ZWINT: variants seen among roughly 807,000 people sequenced by gnomAD.
The protein encoded by ZWINT is ZW10 interacting kinetochore protein.
Under a neutral mutation model 41.5 loss-of-function variants are expected in ZWINT, and 41 were observed. The observed-to-expected ratio is 0.99, with a 90% CI of 0.77 to 1.28. The LOEUF (loss-of-function observed/expected upper bound fraction) is 1.28. ZWINT is among the 50% of genes most tolerant of loss of function. ZWINT has a pLI of 0.00. For synonymous variants in ZWINT, 132 were observed against 126.8 expected (o/e 1.04, Z -0.28); for missense variants, 369 against 329.7 (o/e 1.12, Z -0.92).
At chr10:56,361,069 G>T (rs1177873496) in intron 1 of ZWINT, 127 bp downstream of exon 1, 8 of 1,021,946 alleles carry the variant, frequency 7.8e-6, no homozygotes, top group Non-Finnish European at 1.1e-5. Flanking sequence ...ACTGCGGTGA[G>T]GATCACTTCA....
chr10:56,360,938 G>T (rs1374356561), intron 1 of ZWINT, among the ~76,000 whole-genome samples: 1 of 152,124 alleles, frequency 6.6e-6, no homozygotes, highest in African/African-American at 2.4e-5. Context: ...CAAGAAGACA[G>T]AAGTGAAACC....
Position 56,359,861 on chromosome 10 carries a change from G to A in ZWINT, c.257-8C>T, listed in dbSNP as rs1249418055. On this transcript the variant is annotated splice_polypyrimidine_tract_variant and splice_region_variant and intron_variant, in intron 3 of 8. Coordinates refer to ENST00000373944, the MANE Select transcript of ZWINT (RefSeq NM_007057.4). Reference sequence around the variant, plus strand: ...CTGCAATTGCCTTCTGTCCTGAGATGAGCCACCAGGAATGAGTACATGAGT... The same window carrying A: ...CTGCAATTGCCTTCTGTCCTGAGATAAGCCACCAGGAATGAGTACATGAGT... 1.9e-6 allele frequency: 3 copies of A among 1,613,780 alleles called. No homozygotes were observed. Among genetic ancestry groups the A allele is most frequent in the Admixed American group, 1.7e-5 (1 of 59,996 alleles).
rs1416460568 is a variant in ZWINT at position 56,359,686 on chromosome 10, C to A, written c.423+1G>T. 5.0e-6 allele frequency: 8 copies of A among 1,614,054 alleles called. No individual in the cohort carries two copies. Among genetic ancestry groups the A allele is most frequent in the African/African-American group, 1.3e-5 (1 of 74,924 alleles). ...CCTGTACTCAAGACCCCTGGGTGTACCTTGGCCTGGAGCTGCTCAAAGGCT... is the reference window on the plus strand; with the variant it reads ...CCTGTACTCAAGACCCCTGGGTGTAACTTGGCCTGGAGCTGCTCAAAGGCT... On this transcript the variant is annotated splice_donor_variant, in intron 4 of 8. Coordinates refer to ENST00000373944, the MANE Select transcript of ZWINT (RefSeq NM_007057.4). LOFTEE classifies it high-confidence loss of function.
At position 56,359,740 on chromosome 10, in the gene ZWINT, C is replaced by A; in HGVS notation, c.370G>T (p.Ala124Ser). ...CGGAGTTGTGTCCGTTTCCTCTGGGCTTCCTCCATCTGAGTCAGGGCCTTG... is the reference window on the plus strand; with the variant it reads ...CGGAGTTGTGTCCGTTTCCTCTGGGATTCCTCCATCTGAGTCAGGGCCTTG... ...LTKALTQMEE[A>S]QRKRTQLREA... is the part of the protein sequence containing the mutation. The change falls in exon 4 of 9, where the codon GCC becomes TCC. Residue 124 changes from alanine (A) to serine (S), a missense_variant. Ala to Ser is a moderately conservative substitution (Grantham distance 99). Coordinates refer to ENST00000373944, the MANE Select transcript of ZWINT (RefSeq NM_007057.4). 1 of 1,614,180 alleles carries A rather than the reference C, an allele frequency of 6.2e-7. No individual in the cohort carries two copies. Among genetic ancestry groups the A allele is most frequent in the Non-Finnish European group, 8.5e-7 (1 of 1,180,036 alleles).
rs1838289808 is a variant in ZWINT at position 56,360,132 on chromosome 10, T to C, written c.142A>G (p.Lys48Glu). ...TGGCTGCAGAGCAGCTTGTCTTTCT[T>C]CTGAGAGTCCTGCTCAGAGGGAGGG... ...ILVEFVVDSQKKDKLLCSQLQ... is the reference protein window; with the variant it reads ...ILVEFVVDSQEKDKLLCSQLQ... Residue 48 changes from lysine to glutamate, a missense_variant, in exon 3 of 9, where the codon AAG becomes GAG. Coordinates refer to ENST00000373944, the MANE Select transcript of ZWINT (RefSeq NM_007057.4). 2 of 1,613,946 alleles carry C rather than the reference T, an allele frequency of 1.2e-6. No individual in the cohort carries two copies. Among genetic ancestry groups the C allele is most frequent in the African/African-American group, 2.7e-5 (2 of 74,940 alleles).
At chr10:56,360,437 C>T in intron 1 of ZWINT, 54 bp from the exon 2 acceptor site, 2 of 1,471,880 alleles carry the variant, frequency 1.4e-6, no homozygotes, top group Non-Finnish European at 1.9e-6. Context: ...GCTAGTTCTA[C>T]AGTTCGTGTG....
chr10:56,358,929 G>A lies in ZWINT; in HGVS notation c.499C>T (p.Leu167=). The A allele has an allele frequency of 6.2e-7, 1 of 1,614,110 alleles. No individual in the cohort carries two copies. ...QLQQEKHLQH[L]AEVSAEVRER... is the part of the protein sequence containing the mutation. ...CTCACCTCTGCAGAAACCTCCGCCA[G>A]ATGCTGCAGATGCTTCTCCTGCCAG... is the stretch of plus-strand genomic sequence containing the variant. The change falls in exon 6 of 9, where the codon CTG becomes TTG. Residue 167 remains leucine, a synonymous_variant. Transcript: ENST00000373944.
intron 5 of ZWINT, 77 bp from the exon 6 acceptor site, chr10:56,359,024 C>G (rs1838250756): frequency 6.5e-7 from 1 of 1,546,936 alleles, no homozygotes; most frequent in African/African-American, 1.4e-5. Context: ...CTCCAGCCTA[C>G]ACCCAGCTCA....
intron 5 of ZWINT, 102 bp downstream of exon 5, chr10:56,359,374 G>T: frequency 9.3e-7 from 1 of 1,070,654 alleles, no homozygotes; most frequent in Non-Finnish European, 1.3e-6. Context: ...TTATATTATA[G>T]TGCCTCAAAG....
rs1589335952 is a variant in ZWINT, at chr10:56,357,980, C to T, written c.*247G>A. On this transcript the variant is annotated 3_prime_UTR_variant, in exon 9 of 9. Transcript: ENST00000373944. ...CCTGTGTTCAAACCAGTCCCAGCTC[C>T]TGTCATGTTATTGGCTTCTGAGTAT... 2.1e-6 allele frequency: 1 copy of T among 469,952 alleles called. No homozygotes were observed. Among genetic ancestry groups the T allele is most frequent in the East Asian group, 6.4e-5 (1 of 15,564 alleles). The allele number at this position is 469,952 out of a possible 1,614,324, so 29.1% of individuals were successfully genotyped here.
intron 2 of ZWINT, 38 bp from the exon 3 acceptor site, chr10:56,360,179 C>T (rs1042606339): frequency 2.5e-6 from 4 of 1,612,892 alleles, no homozygotes; most frequent in African/African-American, 1.3e-5. Flanking sequence ...AACATCCTTA[C>T]CTCCTTACAG....
chr10:56,360,217 G>C, intron 2 of ZWINT, 76 bp from the exon 3 acceptor site: 1 of 1,610,836 alleles, frequency 6.2e-7, no homozygotes, highest in Non-Finnish European at 8.5e-7. Flanking sequence ...CTCTGCCAGT[G>C]CTGCCCTGTA....
intron 1 of ZWINT, among the ~76,000 whole-genome samples, chr10:56,360,673 G>T (rs1007522055): frequency 6.6e-6 from 1 of 152,188 alleles, no homozygotes; most frequent in African/African-American, 2.4e-5. Context: ...TCTCACTGAA[G>T]AGAAATCATT....
At position 56,358,012 on chromosome 10, in the gene ZWINT, T is replaced by C; in HGVS notation, c.*215A>G. On this transcript the variant is annotated 3_prime_UTR_variant, in exon 9 of 9. Transcript: ENST00000373944. ...GTTATTGGCTTCTGAGTATCTGTAT[T>C]AATAGTTGTTCCTGCCAGCATATGA... The C allele has an allele frequency of 1.9e-6, 1 of 525,918 alleles. No individual in the cohort carries two copies. The highest frequency in any genetic ancestry group is 3.9e-6 in the Non-Finnish European group (1 of 258,450). The allele number at this position is 525,918 out of a possible 1,614,324, so 32.6% of individuals were successfully genotyped here.
chr10:56,358,429 T>A lies in ZWINT; in HGVS notation c.823A>T (p.Asn275Tyr), dbSNP rs748302609. The A allele has an allele frequency of 1.2e-6, 2 of 1,613,914 alleles. No individual in the cohort carries two copies. The highest frequency in any genetic ancestry group is 2.7e-5 in the African/African-American group (2 of 74,864). Residue 275 changes from asparagine (N) to tyrosine (Y), a missense_variant, in exon 8 of 9, where the codon AAT (asparagine) becomes TAT (tyrosine). Physicochemically the swap from Asn to Tyr is moderately radical, Grantham distance 143 (BLOSUM62 -2). Coordinates refer to ENST00000373944, the MANE Select transcript of ZWINT (RefSeq NM_007057.4). ...AVGLQPAGDV[N>Y]LP ...TGTCCTCCAGGAAGTCATGGCAAAT[T>A]TACATCTCCAGCAGGTTGTAGACCA... is the stretch of plus-strand genomic sequence containing the variant.
chr10:56,359,058 G>A, intron 5 of ZWINT, 111 bp from the exon 6 acceptor site: 1 of 1,336,570 alleles, frequency 7.5e-7, no homozygotes, highest in Non-Finnish European at 1.0e-6. Flanking sequence ...ATGATGAAAA[G>A]AGGGACTCTA....
Position 56,360,039 on chromosome 10 carries a change from A to G in ZWINT, c.235T>C (p.Leu79=), listed in dbSNP as rs1409339014. 1.2e-6 allele frequency: 2 copies of G among 1,614,038 alleles called. No homozygotes were observed. The highest frequency in any genetic ancestry group is 4.5e-5 in the East Asian group (2 of 44,880). ...TCACGGCTCGTGTCTTCAGAAGCCA[A>G]GGGGTCGAGACCCTTAGCAGTGTCC... ...QEDTAKGLDP[L]ASEDTSRQKA... is the part of the protein sequence containing the mutation. Residue 79 remains leucine (L), a synonymous_variant, in exon 3 of 9, where the codon TTG becomes CTG. Coordinates refer to ENST00000373944, the MANE Select transcript of ZWINT (RefSeq NM_007057.4).
In ZWINT at chr10:56,361,241, C is replaced by G. The variant is rs771809952; in HGVS notation, c.-5G>C. ...CTCTGTCTCCGCTGCCTCCATCTTT[C>G]CAGGCGCCGAGTTCAGCTGCCTTCC... On this transcript the variant is annotated 5_prime_UTR_variant, in exon 1 of 9. Transcript: ENST00000373944. 1.2e-6 allele frequency: 2 copies of G among 1,612,110 alleles called. No homozygotes were observed. The highest frequency in any genetic ancestry group is 1.7e-6 in the Non-Finnish European group (2 of 1,179,968).
chr10:56,357,597 C>G lies in ZWINT; in HGVS notation c.*630G>C, dbSNP rs1303094563. On this transcript the variant is annotated 3_prime_UTR_variant, in exon 9 of 9. Coordinates refer to ENST00000373944, the MANE Select transcript of ZWINT (RefSeq NM_007057.4). ...AAGGTATCACTAGAGGTCAATGAAA[C>G]AAAACATACAATAGTGGATGACAAA... The G allele has an allele frequency of 6.3e-6, 1 of 158,386 alleles. No individual in the cohort carries two copies. The highest frequency in any genetic ancestry group is 1.4e-5 in the Non-Finnish European group (1 of 71,630). The allele number at this position is 158,386 out of a possible 1,614,324, so 9.8% of individuals were successfully genotyped here. A position where few individuals can be genotyped will look rare whatever the true frequency, so the allele number is the denominator to read the frequency against.
Sources: allele counts gnomAD v4.1 joint callset (sites outside exome capture counted in the v4.1 genomes callset), GRCh38; gene constraint gnomAD v4.1.1; transcripts MANE v1.5; gene names NCBI Gene and HGNC (gene_info 2026-07-23, HGNC 2026-07-21).